REPS2: variants seen among roughly 807,000 people sequenced by gnomAD.
REPS2 encodes ralBP1-associated Eps domain-containing protein 2.
Under a neutral mutation model 53.6 loss-of-function variants are expected in REPS2, and 23 were observed. The observed-to-expected ratio is 0.43, with a 90% confidence interval of 0.31 to 0.61. The LOEUF (loss-of-function observed/expected upper bound fraction) is 0.61, where lower values mean the gene tolerates loss of function less well. REPS2 is among the 20% of genes least tolerant of loss of function. The pLI, the probability that REPS2 is intolerant of heterozygous loss-of-function variation, is 0.11. For missense variants in REPS2, 446 were observed against 534.9 expected, an observed-to-expected ratio of 0.83 and a Z score of 1.64; for synonymous variants, 238 against 218.6, an observed-to-expected ratio of 1.09 and a Z score of -0.78.
At chrX:17,061,833 C>T (rs763246807) in intron 8 of REPS2, among the ~76,000 whole-genome samples, 2 of 112,477 alleles carry the variant, frequency 1.8e-5, no homozygotes, top group Non-Finnish European at 3.7e-5. Context: ...GCCAGTGTCA[C>T]TATTGCATAT....
chrX:17,108,336 G>T (rs950064353), intron 14 of REPS2, among the ~76,000 whole-genome samples: 1 of 110,052 alleles, frequency 9.1e-6, no homozygotes, highest in African/African-American at 3.3e-5. Context: ...ACCACGCCCG[G>T]CTAATTCTGT....
intron 9 of REPS2, among the ~76,000 whole-genome samples, chrX:17,065,609 A>G (rs908440325): frequency 9.0e-6 from 1 of 111,191 alleles, no homozygotes; most frequent in Non-Finnish European, 1.9e-5. Context: ...GTTTTTTGAG[A>G]CGGAATCTCG....
At chrX:17,135,564 C>A in intron 16 of REPS2, 158 bp downstream of exon 16, 1 of 626,398 alleles carries the variant, frequency 1.6e-6, no homozygotes, top group Non-Finnish European at 2.4e-6. Flanking sequence ...GTCTCCCAGT[C>A]ACATAGAAGG....
intron 13 of REPS2, 100 bp downstream of exon 13, chrX:17,077,507 C>A: frequency 1.1e-6 from 1 of 908,875 alleles, no homozygotes; most frequent in Non-Finnish European, 1.5e-6. Context: ...AAAGAGCAGA[C>A]CTGGCAGTTT....
At chrX:17,001,687 T>C (rs1303516799) in intron 1 of REPS2, among the ~76,000 whole-genome samples, 2 of 112,313 alleles carry the variant, frequency 1.8e-5, no homozygotes, top group Non-Finnish European at 3.8e-5. Flanking sequence ...TGTTAGTCCA[T>C]TTTCACGCTG....
chrX:16,999,353 C>T (rs1213000504), intron 1 of REPS2, among the ~76,000 whole-genome samples: 1 of 106,411 alleles, frequency 9.4e-6, no homozygotes, highest in South Asian at 4.1e-4. Flanking sequence ...TTTGCTTCCA[C>T]TAGTGATGTT....
chrX:17,130,409 G>A (rs1462718259), intron 14 of REPS2, among the ~76,000 whole-genome samples: 1 of 111,719 alleles, frequency 9.0e-6, no homozygotes, highest in Admixed American at 9.5e-5. Flanking sequence ...GAGCATGGGA[G>A]GCCCTTTGTG....
At chrX:16,976,483 A>G (rs2060956615) in intron 1 of REPS2, among the ~76,000 whole-genome samples, 1 of 111,046 alleles carries the variant, frequency 9.0e-6, no homozygotes, top group Admixed American at 9.6e-5. Flanking sequence ...CAGATCATCC[A>G]TGTTTTTGTA....
chrX:17,094,746 A>G (rs1041205104), intron 13 of REPS2, among the ~76,000 whole-genome samples: 3 of 111,673 alleles, frequency 2.7e-5, no homozygotes, highest in Non-Finnish European at 5.6e-5. Flanking sequence ...AGCATTTCTT[A>G]TGTCTTACTG....
intron 17 of REPS2, among the ~76,000 whole-genome samples, chrX:17,143,419 C>G (rs1251394026): frequency 9.9e-6 from 1 of 101,438 alleles, no homozygotes; most frequent in African/African-American, 3.7e-5. Context: ...TGGGGTAGGC[C>G]AGTTTCATCC....
downstream of REPS2, among the ~76,000 whole-genome samples, chrX:17,158,202 A>G (rs2063629289): frequency 8.9e-6 from 1 of 112,361 alleles, no homozygotes; most frequent in South Asian, 3.7e-4. Context: ...TTAGACTACC[A>G]GGTTCCAAGA....
intron 5 of REPS2, among the ~76,000 whole-genome samples, chrX:17,042,892 C>G (rs749108460): frequency 1.8e-5 from 2 of 111,343 alleles, no homozygotes; most frequent in African/African-American, 6.5e-5. Context: ...ACCTCCTGCG[C>G]TCAGGTGACT....
intron 14 of REPS2, among the ~76,000 whole-genome samples, chrX:17,114,670 T>C (rs2063022317): frequency 8.9e-6 from 1 of 112,401 alleles, no homozygotes; most frequent in Non-Finnish European, 1.9e-5. Context: ...CTCTCAGAAA[T>C]AGTGATAAGA....
intron 13 of REPS2, among the ~76,000 whole-genome samples, chrX:17,099,319 C>T (rs2062751898): frequency 9.0e-6 from 1 of 111,348 alleles, no homozygotes; most frequent in Admixed American, 9.6e-5. Context: ...TCTCCCTTTC[C>T]ACCCTCCCCA....
chrX:17,132,111 A>C lies in REPS2; in HGVS notation c.1579-1713A>C, dbSNP rs373454169. Among the ~76,000 whole-genome samples, 28 of 112,060 alleles carry C rather than the reference A, an allele frequency of 2.5e-4. No homozygotes were observed. The East Asian group carries it at 4.2e-3, about 17-fold the overall frequency. ...GGTACCCTGAAGAGGGAAAGTTCAG[A>C]GTGAGGGTTGACATTTCACATTCAA... is the stretch of plus-strand genomic sequence containing the variant. On this transcript the variant is annotated intron_variant, in intron 14 of 17. Transcript: ENST00000357277.
chrX:17,108,981 A>C (rs1185982206), intron 14 of REPS2, among the ~76,000 whole-genome samples: 2 of 109,874 alleles, frequency 1.8e-5, no homozygotes, highest in Non-Finnish European at 1.9e-5. Flanking sequence ...AAAAAAAAAA[A>C]AAAACCCAAA....
chrX:17,161,400 G>T, the REPS2 span, among the ~76,000 whole-genome samples: 1 of 111,881 alleles, frequency 8.9e-6, no homozygotes, highest in Non-Finnish European at 1.9e-5. Flanking sequence ...GAAATTTGAA[G>T]CATGAAAAAG....
chrX:17,141,124 C>T (rs930668147), intron 17 of REPS2, among the ~76,000 whole-genome samples: 2 of 111,827 alleles, frequency 1.8e-5, no homozygotes, highest in Non-Finnish European at 3.8e-5. Context: ...CATGTACTTA[C>T]GGAATCCAAA....
rs145509250 is a variant in REPS2, at chrX:17,056,982, T to C, written c.1114+2032T>C. Among the ~76,000 whole-genome samples, 480 of 112,014 alleles carry C rather than the reference T, an allele frequency of 4.3e-3. 7 individuals are homozygous for C. Among genetic ancestry groups the C allele is most frequent in the African/African-American group, 0.015 (469 of 30,785 alleles). On this transcript the variant is annotated intron_variant, in intron 8 of 17. Transcript: ENST00000357277. ...AGAGTAGAAAAATTAATAGTGTGTCTTGCCCTTTTCAAAGGCAAATGGGCA... is the reference window on the plus strand; with the variant it reads ...AGAGTAGAAAAATTAATAGTGTGTCCTGCCCTTTTCAAAGGCAAATGGGCA...
Sources: gnomAD v4.1 joint callset for allele counts (sites outside exome capture counted in the v4.1 genomes callset) on GRCh38, gnomAD v4.1.1 for gene constraint, MANE v1.5 for transcripts, NCBI Gene and HGNC (gene_info 2026-07-23, HGNC 2026-07-21) for gene names.